Variants in PTPRH observed in about 807,000 individuals in gnomAD.
The protein encoded by PTPRH is protein tyrosine phosphatase receptor type H.
Under a neutral mutation model 130.2 loss-of-function variants are expected in PTPRH, and 113 were observed. That is an observed-to-expected ratio of 0.87 (90% CI 0.75 to 1.01). The LOEUF (loss-of-function observed/expected upper bound fraction) is 1.01. Ranked by LOEUF, PTPRH falls within the 50% of genes least tolerant of loss-of-function variation. The pLI is 0.00. For missense variants in PTPRH, 1,430 were observed against 1,425.0 expected (o/e 1.00, Z -0.06); for synonymous variants, 556 against 577.9 (o/e 0.96, Z 0.54).
Position 55,196,646 on chromosome 19 carries a change from T to G in PTPRH, c.2133A>C (p.Ser711=). 1 of 1,613,830 alleles carries G rather than the reference T, an allele frequency of 6.2e-7. No individual in the cohort carries two copies. The highest frequency in any genetic ancestry group is 8.5e-7 in the Non-Finnish European group (1 of 1,179,956). ...CCAACACAGACACAGCCTCCCCACA[T>G]GAAGATCTGTCCTGGGAGCCCCGCT... is the stretch of plus-strand genomic sequence containing the variant. ...GGQRGSQDRS[S]CGEAVSVLGL... Residue 711 remains serine (S), a synonymous_variant, in exon 10 of 20, where the codon TCA becomes TCC. Transcript: ENST00000376350.
chr19:55,192,546 AT>A (rs1170995405), intron 10 of PTPRH, among the ~76,000 whole-genome samples: 5 of 150,850 alleles, frequency 3.3e-5, no homozygotes, highest in Admixed American at 1.3e-4. Context: ...TTATGTGCAG[AT>A]TTTTTTTTCT....
In PTPRH at chr19:55,186,230, C is replaced by T. The variant is rs564375355; in HGVS notation, c.2773G>A (p.Gly925Ser). Residue 925 changes from glycine to serine, a missense_variant, in exon 16 of 20, where the codon GGC (glycine) becomes AGC (serine). Transcript: ENST00000376350. The stretch of plus-strand genomic sequence containing the variant: ...CCAGGACTCAGATCTCTCACCCGGC[C>T]GGCCTCCATGCAGTTGGTCAGCATG... ...LVMLTNCMEA[G>S]RVKCEHYWPL... is the part of the protein sequence containing the mutation. 1.5e-4 allele frequency: 249 copies of T among 1,608,610 alleles called. 5 individuals carry two copies. The highest frequency in any genetic ancestry group is 1.5e-3 in the South Asian group (136 of 90,744).
In PTPRH at chr19:55,207,429, C is replaced by T. The variant is rs551887939; in HGVS notation, c.52-230G>A. ...TTAGGGAGCTGGGGTTGGCTCCACCCGATAAGGCTGAGAGATAAAATTAAT... is the reference window on the plus strand; with the variant it reads ...TTAGGGAGCTGGGGTTGGCTCCACCTGATAAGGCTGAGAGATAAAATTAAT... On this transcript the variant is annotated intron_variant, in intron 1 of 19. Coordinates refer to ENST00000376350, the MANE Select transcript of PTPRH (RefSeq NM_002842.5). 2.2e-4 allele frequency among the ~76,000 whole-genome samples: 34 copies of T among 152,240 alleles called. 1 individual carries two copies. The highest frequency in any genetic ancestry group is 7.4e-5 in the Non-Finnish European group (5 of 68,014).
intron 14 of PTPRH, among the ~76,000 whole-genome samples, chr19:55,187,087 C>G (rs557780583): frequency 6.8e-6 from 1 of 147,554 alleles, no homozygotes; most frequent in African/African-American, 2.5e-5. Flanking sequence ...GGCTCACGCC[C>G]GTAATCCCAG....
In PTPRH at chr19:55,200,434, CT is replaced by C; in HGVS notation, c.1221del (p.Val408SerfsTer14). 1 of 1,614,156 alleles carries C rather than the reference CT, an allele frequency of 6.2e-7. No individual in the cohort carries two copies. Among genetic ancestry groups the C allele is most frequent in the Admixed American group, 1.7e-5 (1 of 60,018 alleles). On this transcript the variant is annotated frameshift_variant, in exon 7 of 20. Coordinates refer to ENST00000376350, the MANE Select transcript of PTPRH (RefSeq NM_002842.5). LOFTEE classifies it high-confidence loss of function. ...QTNSSIALCW[E>X]VPDGPYPQDY... ...TCCTGAGGGTATGGGCCATCGGGGA[CT>C]TCCCAGCATAGGGCGATGGAGCTGT...
intron 10 of PTPRH, 176 bp from the exon 11 acceptor site, chr19:55,191,917 T>C: frequency 1.4e-6 from 1 of 695,702 alleles, no homozygotes; most frequent in Non-Finnish European, 2.6e-6. Context: ...TACCCATGGA[T>C]TTTCCTCCAC....
Position 55,209,414 on chromosome 19 carries a change from C to G in PTPRH, c.20G>C (p.Gly7Ala). MAGAGG[G>A]LGVWGNLVLL... ...CACCAGGTTCCCCCAGACCCCGAGG[C>G]CCCCGCCAGCCCCAGCCATGCCTCC... Residue 7 changes from glycine to alanine, a missense_variant, in exon 1 of 20, where the codon GGC becomes GCC. Coordinates refer to ENST00000376350, the MANE Select transcript of PTPRH (RefSeq NM_002842.5). The surrounding 1 kb of genome is among the most constrained non-coding windows in gnomAD (Gnocchi z 4.1). 6.4e-7 allele frequency: 1 copy of G among 1,558,146 alleles called. No individual in the cohort carries two copies. Among genetic ancestry groups the G allele is most frequent in the Non-Finnish European group, 8.7e-7 (1 of 1,150,158 alleles).
In PTPRH at chr19:55,202,047, G is replaced by A. The variant is rs755280965; in HGVS notation, c.1153+9C>T. On this transcript the variant is annotated intron_variant, in intron 6 of 19. Coordinates refer to ENST00000376350, the MANE Select transcript of PTPRH (RefSeq NM_002842.5). The stretch of plus-strand genomic sequence containing the variant: ...ATAAGAGATCAAACAAATGGCGACT[G>A]CCTCTCACCTGTGGTGGCATTTCGA... 2 of 1,613,590 alleles carry A rather than the reference G, an allele frequency of 1.2e-6. No homozygotes were observed. Among genetic ancestry groups the A allele is most frequent in the African/African-American group, 1.3e-5 (1 of 74,918 alleles).
intron 17 of PTPRH, 84 bp from the exon 18 acceptor site, chr19:55,185,746 C>T (rs2086301671): frequency 6.3e-7 from 1 of 1,594,290 alleles, no homozygotes; most frequent in Non-Finnish European, 8.6e-7. Context: ...TTCCCTGGGG[C>T]ACACTGCAGC....
rs1568884184 is a variant in PTPRH at position 55,181,723 on chromosome 19, G to A, written c.*31C>T. 1 of 1,613,398 alleles carries A rather than the reference G, an allele frequency of 6.2e-7. No individual in the cohort carries two copies. The highest frequency in any genetic ancestry group is 1.3e-5 in the African/African-American group (1 of 75,040). On this transcript the variant is annotated 3_prime_UTR_variant, in exon 20 of 20. Transcript: ENST00000376350. ...AAGTGGGTGTCCAGAGCTTGAGGAT[G>A]CCTGGGCTGCCGACCCAGCCCCCTC...
intron 16 of PTPRH, 30 bp downstream of exon 16, chr19:55,186,195 C>T: frequency 6.3e-7 from 1 of 1,595,382 alleles, no homozygotes; most frequent in Non-Finnish European, 8.6e-7. Flanking sequence ...GTCCTGCACC[C>T]AGTCAGCACC....
chr19:55,203,775 C>CTCT lies in PTPRH; in HGVS notation c.886+4_886+6dup, dbSNP rs770668581. ...GAAATAAAAATAAAACAGCGGCTGC[C>CTCT]TCTTACCTGTGGCACTAGTGACAAT... On this transcript the variant is annotated splice_region_variant and intron_variant, in intron 5 of 19. Coordinates refer to ENST00000376350, the MANE Select transcript of PTPRH (RefSeq NM_002842.5). 1 of 1,599,400 alleles carries CTCT rather than the reference C, an allele frequency of 6.3e-7. No individual in the cohort carries two copies. Among genetic ancestry groups the CTCT allele is most frequent in the South Asian group, 1.1e-5 (1 of 90,590 alleles).
chr19:55,181,940 A>G, intron 19 of PTPRH, 37 bp from the exon 20 acceptor site: 4 of 1,613,916 alleles, frequency 2.5e-6, no homozygotes, highest in Non-Finnish European at 3.4e-6. Context: ...GCGTCCCCCC[A>G]GGTCTGAGCT....
rs928985633 is a variant in PTPRH at position 55,196,803 on chromosome 19, C to A, written c.1991-15G>T. 1 of 1,607,630 alleles carries A rather than the reference C, an allele frequency of 6.2e-7. No homozygotes were observed. The highest frequency in any genetic ancestry group is 1.3e-5 in the African/African-American group (1 of 74,914). Reference sequence around the variant, plus strand: ...TGTGTCTGGGTCTGGGTGAAGGAAGCAAGAGGTCAGCAGTGCCATCCAAGG... The same window carrying A: ...TGTGTCTGGGTCTGGGTGAAGGAAGAAAGAGGTCAGCAGTGCCATCCAAGG... On this transcript the variant is annotated splice_polypyrimidine_tract_variant and intron_variant, in intron 9 of 19. Transcript: ENST00000376350.
rs199808001 is a variant in PTPRH at position 55,186,466 on chromosome 19, G to T, written c.2641C>A (p.Pro881Thr). 3.7e-5 allele frequency: 60 copies of T among 1,602,422 alleles called. No individual in the cohort carries two copies. The highest frequency in any genetic ancestry group is 3.3e-4 in the Middle Eastern group (2 of 6,042). Residue 881 changes from proline to threonine, a missense_variant and splice_region_variant, in exon 15 of 20, where the codon CCC (proline) becomes ACC (threonine). Pro to Thr is a conservative substitution (Grantham distance 38). Coordinates refer to ENST00000376350, the MANE Select transcript of PTPRH (RefSeq NM_002842.5). ...GSDYINASFM[P>T]GLWSPQEFIA... Reference sequence around the variant, plus strand: ...TTCAATCCCAACCACGACCTTACGGGCATGAAGCTGGCATTGATGTAGTCA... The same window carrying T: ...TTCAATCCCAACCACGACCTTACGGTCATGAAGCTGGCATTGATGTAGTCA...
chr19:55,204,230 C>T (rs2086971525), intron 4 of PTPRH, among the ~76,000 whole-genome samples, 182 bp from the exon 5 acceptor site: 1 of 152,032 alleles, frequency 6.6e-6, no homozygotes, highest in Non-Finnish European at 1.5e-5. Flanking sequence ...AGCGATTCTC[C>T]TGCCTCAGCC....
intron 18 of PTPRH, among the ~76,000 whole-genome samples, chr19:55,182,821 A>T (rs56118388): frequency 1.3e-5 from 2 of 151,852 alleles, no homozygotes; most frequent in African/African-American, 4.8e-5. Context: ...TTGAGACAGG[A>T]TCTCTCTCTG....
intron 18 of PTPRH, among the ~76,000 whole-genome samples, chr19:55,182,982 G>A (rs1240219071): frequency 6.6e-6 from 1 of 151,622 alleles, no homozygotes; most frequent in African/African-American, 2.4e-5. Flanking sequence ...TTTTAATAGA[G>A]ACGGGGTCTT....
intron 12 of PTPRH, 25 bp from the exon 13 acceptor site, chr19:55,188,193 G>A (rs746275569): frequency 1.3e-6 from 2 of 1,575,832 alleles, no homozygotes; most frequent in East Asian, 2.2e-5. Flanking sequence ...GGAGCAGGGA[G>A]AAAAGACCGT....
Sources: gnomAD v4.1 joint callset for allele counts (sites outside exome capture counted in the v4.1 genomes callset) on GRCh38, gnomAD v4.1.1 for gene constraint, Gnocchi (gnomAD v3.1) non-coding constraint, MANE v1.5 for transcripts, NCBI Gene and HGNC (gene_info 2026-07-23, HGNC 2026-07-21) for gene names.